The following SUPV3L1 variants were observed in gnomAD, a reference collection of about 807,000 sequenced individuals.
SUPV3L1 encodes ATP-dependent RNA helicase SUPV3L1, mitochondrial.
SUPV3L1 carries 35 observed loss-of-function variants against 70.0 expected under a neutral mutation model. That is an observed-to-expected ratio of 0.50 (90% CI 0.38 to 0.66). The LOEUF is 0.66. SUPV3L1 is among the 30% of genes least tolerant of loss of function. The probability of loss-of-function intolerance (pLI) is 0.00; values close to 1 mark genes in which losing one functional copy is unlikely to be tolerated. For missense variants in SUPV3L1, 777 were observed against 961.5 expected, an observed-to-expected ratio of 0.81 and a Z score of 2.54; for synonymous variants, 364 against 341.9, an observed-to-expected ratio of 1.06 and a Z score of -0.71.
chr10:69,203,187 G>A (rs1406336135), intron 13 of SUPV3L1, 144 bp downstream of exon 13: 1 of 803,856 alleles, frequency 1.2e-6, no homozygotes, highest in African/African-American at 1.8e-5. Context: ...GGGGTTAATA[G>A]TAGCAACAGT....
intron 13 of SUPV3L1, among the ~76,000 whole-genome samples, chr10:69,203,952 T>G (rs2132304830): frequency 6.6e-6 from 1 of 151,994 alleles, no homozygotes; most frequent in South Asian, 2.1e-4. Flanking sequence ...CTCGAGCTCC[T>G]GGAGGCAAGT....
At chr10:69,186,188 T>G in intron 2 of SUPV3L1, 124 bp downstream of exon 2, 1 of 922,688 alleles carries the variant, frequency 1.1e-6, no homozygotes, top group Admixed American at 2.4e-5. Context: ...TGCTCTTTGC[T>G]TCTGGCTGAG....
chr10:69,207,589 T>A lies in SUPV3L1; in HGVS notation c.1777-204T>A, dbSNP rs1003314221. Among the ~76,000 whole-genome samples the A allele has an allele frequency of 3.3e-5, 5 of 152,206 alleles. No individual in the cohort carries two copies. In the East Asian group the frequency reaches 7.7e-4, roughly 23 times the overall value. On this transcript the variant is annotated intron_variant, in intron 13 of 14. Transcript: ENST00000359655. ...CTTCAGACTCCCAGAGTGCTGGGAT[T>A]ATAGACGTGAGCCACTGTACCTGGC...
chr10:69,190,630 C>T (rs998626726), intron 5 of SUPV3L1, among the ~76,000 whole-genome samples: 4 of 152,218 alleles, frequency 2.6e-5, no homozygotes, highest in African/African-American at 9.6e-5. Flanking sequence ...AATTACACCC[C>T]ATCCTCCACC....
intron 13 of SUPV3L1, among the ~76,000 whole-genome samples, chr10:69,204,725 A>G (rs1280422838): frequency 6.6e-6 from 1 of 151,696 alleles, no homozygotes; most frequent in African/African-American, 2.4e-5. Flanking sequence ...GTGCATGTTC[A>G]TGTGGAAACA....
intron 13 of SUPV3L1, among the ~76,000 whole-genome samples, chr10:69,206,077 T>A (rs1589392279): frequency 1.3e-5 from 2 of 152,280 alleles, no homozygotes; most frequent in South Asian, 4.2e-4. Flanking sequence ...GCATAGCTCC[T>A]TACTTAGCTC....
At chr10:69,205,293 T>C (rs758499190) in intron 13 of SUPV3L1, among the ~76,000 whole-genome samples, 5 of 152,218 alleles carry the variant, frequency 3.3e-5, no homozygotes, top group Non-Finnish European at 7.3e-5. Flanking sequence ...CTTGGCACCA[T>C]TCACACCATC....
At chr10:69,185,156 A>G (rs1842184048) in intron 1 of SUPV3L1, among the ~76,000 whole-genome samples, 1 of 152,136 alleles carries the variant, frequency 6.6e-6, no homozygotes, top group Non-Finnish European at 1.5e-5. Flanking sequence ...AATTGTTAGG[A>G]AGTTCTTGTA....
intron 13 of SUPV3L1, among the ~76,000 whole-genome samples, chr10:69,205,903 T>C (rs759993468): frequency 6.6e-6 from 1 of 152,208 alleles, no homozygotes; most frequent in Non-Finnish European, 1.5e-5. Context: ...TCCTGATCTT[T>C]GTCATTACTG....
intron 13 of SUPV3L1, among the ~76,000 whole-genome samples, chr10:69,206,302 A>G (rs764218274): frequency 4.6e-5 from 7 of 152,130 alleles, no homozygotes; most frequent in African/African-American, 9.7e-5. Flanking sequence ...TTTAACTACA[A>G]TTGATCTAAA....
chr10:69,190,640 C>A lies in SUPV3L1; in HGVS notation c.742-1015C>A, dbSNP rs578238432. Among the ~76,000 whole-genome samples, 9 of 152,284 alleles carry A rather than the reference C, an allele frequency of 5.9e-5. No homozygotes were observed. The South Asian group carries it at 1.9e-3, about 32-fold the overall frequency. ...TGTCCAATTACACCCCATCCTCCAC[C>A]CCTCCAGGGTTCTTTTCAGGGTCTT... On this transcript the variant is annotated intron_variant, in intron 5 of 14. Coordinates refer to ENST00000359655, the MANE Select transcript of SUPV3L1 (RefSeq NM_003171.5).
intron 5 of SUPV3L1, among the ~76,000 whole-genome samples, chr10:69,189,863 G>T (rs1191892958): frequency 6.6e-6 from 1 of 151,996 alleles, no homozygotes; most frequent in Non-Finnish European, 1.5e-5. Context: ...AGCCAGGATG[G>T]TCTCAATCTC....
At chr10:69,183,046 A>G (rs1842110556) in intron 1 of SUPV3L1, among the ~76,000 whole-genome samples, 1 of 152,052 alleles carries the variant, frequency 6.6e-6, no homozygotes, top group East Asian at 1.9e-4. Flanking sequence ...AGGTGTCTCC[A>G]CTTGTCTTTC....
At chr10:69,182,528 AT>A in intron 1 of SUPV3L1, 1 of 985,372 alleles carries the variant, frequency 1.0e-6, no homozygotes, top group Non-Finnish European at 1.2e-6. Context: ...AGCTATTCCA[AT>A]TCACCTGAAA....
intron 1 of SUPV3L1, among the ~76,000 whole-genome samples, 179 bp downstream of exon 1, chr10:69,180,741 ATC>A (rs1375248788): frequency 6.6e-6 from 1 of 152,154 alleles, no homozygotes; most frequent in African/African-American, 2.4e-5. Context: ...TTAGGACTGT[ATC>A]TGATTAATTC....
At chr10:69,188,692 G>A (rs1842304117) in intron 4 of SUPV3L1, among the ~76,000 whole-genome samples, 1 of 151,924 alleles carries the variant, frequency 6.6e-6, no homozygotes, top group East Asian at 1.9e-4. Flanking sequence ...AGATACGGGG[G>A]CTCACCATGT....
chr10:69,196,313 G>A (rs1202247879), intron 7 of SUPV3L1, among the ~76,000 whole-genome samples: 1 of 152,094 alleles, frequency 6.6e-6, no homozygotes, highest in African/African-American at 2.4e-5. Flanking sequence ...CCAACATGGC[G>A]AAACCCTGTC....
chr10:69,207,201 C>CA (rs1564715392), intron 13 of SUPV3L1, among the ~76,000 whole-genome samples: 1 of 146,880 alleles, frequency 6.8e-6, no homozygotes. Flanking sequence ...TCTACAGCTT[C>CA]TTTTTTTTTT....
Position 69,202,471 on chromosome 10 carries a change from T to A in SUPV3L1, c.1551T>A (p.Ile517=), listed in dbSNP as rs199825078. The change falls in exon 12 of 15, where the codon ATT becomes ATA. Residue 517 remains isoleucine, a synonymous_variant. Transcript: ENST00000359655. ...AAGLHPTAEQ[I]EMFAYHLPDA... ...GTCTTCATCCAACTGCTGAGCAGAT[T>A]GAAATGTTTGCCTACCATCTCCCTG... The A allele has an allele frequency of 3.1e-5, 50 of 1,613,612 alleles. 1 individual carries two copies. In the Admixed American group the frequency reaches 7.2e-4, roughly 23 times the overall value.
Sources: gnomAD v4.1 joint callset for allele counts (sites outside exome capture counted in the v4.1 genomes callset) on GRCh38, gnomAD v4.1.1 for gene constraint, MANE v1.5 for transcripts, NCBI Gene and HGNC (gene_info 2026-07-23, HGNC 2026-07-21) for gene names.